ATP6V1C1: variants seen among roughly 807,000 people sequenced by gnomAD.
The protein encoded by ATP6V1C1 is V-type proton ATPase subunit C 1.
Under a neutral mutation model 53.9 loss-of-function variants are expected in ATP6V1C1, and 45 were observed. The observed-to-expected ratio is 0.83, with a 90% CI of 0.66 to 1.07. The LOEUF is 1.07. ATP6V1C1 is among the 50% of genes least tolerant of loss of function. ATP6V1C1 has a pLI of 0.00. For missense variants in ATP6V1C1, 315 were observed against 440.3 expected, an observed-to-expected ratio of 0.72 and a Z score of 2.55; for synonymous variants, 153 against 155.2, an observed-to-expected ratio of 0.99 and a Z score of 0.11.
intron 4 of ATP6V1C1, among the ~76,000 whole-genome samples, chr8:103,050,259 C>G (rs1439972911): frequency 6.6e-6 from 1 of 152,122 alleles, no homozygotes; most frequent in Non-Finnish European, 1.5e-5. Context: ...TACTGATCTT[C>G]TACGTATTTT....
rs17200931 is a variant in ATP6V1C1 at position 103,072,356 on chromosome 8, A to C, written c.*3609A>C. 1 of 152,204 alleles carries C rather than the reference A, an allele frequency of 6.6e-6. No homozygotes were observed. Among genetic ancestry groups the C allele is most frequent in the Non-Finnish European group, 1.5e-5 (1 of 68,032 alleles). 9.4% of individuals were successfully genotyped at this position (152,204 alleles called of 1,614,324 possible). A position where few individuals can be genotyped will look rare whatever the true frequency, so the allele number is the denominator to read the frequency against. ...TTCATTCTCAGCTGTCGAAGAAATC[A>C]AAGTAGCATATGCACAAGGTTAAAA... is the stretch of plus-strand genomic sequence containing the variant. On this transcript the variant is annotated 3_prime_UTR_variant, in exon 13 of 13. Transcript: ENST00000518738.
At chr8:103,025,166 A>C (rs1413028079) in intron 1 of ATP6V1C1, among the ~76,000 whole-genome samples, 1 of 152,192 alleles carries the variant, frequency 6.6e-6, no homozygotes, top group Non-Finnish European at 1.5e-5. Context: ...CTATCAATGA[A>C]TAGGAAGTTG....
chr8:103,065,279 G>A (rs369582216), intron 11 of ATP6V1C1, among the ~76,000 whole-genome samples: 14 of 152,146 alleles, frequency 9.2e-5, no homozygotes, highest in Non-Finnish European at 2.1e-4. Context: ...AAACTTGGCC[G>A]GGTGCAGTGG....
In ATP6V1C1 at chr8:103,072,636, C is replaced by A. The variant is rs1817604729; in HGVS notation, c.*3889C>A. 6.6e-6 allele frequency: 1 copy of A among 152,132 alleles called. No individual in the cohort carries two copies. The highest frequency in any genetic ancestry group is 1.5e-5 in the Non-Finnish European group (1 of 68,020). The allele number at this position is 152,132 out of a possible 1,614,324, so 9.4% of individuals were successfully genotyped here. ...TTTCTAGCATAGATAACAATTGATT[C>A]TTTAGATTCATATATGGAGGTAATT... is the stretch of plus-strand genomic sequence containing the variant. On this transcript the variant is annotated 3_prime_UTR_variant, in exon 13 of 13. Coordinates refer to ENST00000518738, the MANE Select transcript of ATP6V1C1 (RefSeq NM_001695.5).
chr8:103,066,592 C>A, intron 12 of ATP6V1C1, 145 bp downstream of exon 12: 1 of 930,930 alleles, frequency 1.1e-6, no homozygotes. Context: ...GTTATGTAAA[C>A]ATAGTAATTT....
In ATP6V1C1 at chr8:103,051,099, T is replaced by G; in HGVS notation, c.336T>G (p.Tyr112Ter). Reference protein sequence around the residue: ...ITRFQWDMAKYPIKQSLKNIS... With the variant: ...ITRFQWDMAK ...GGTTCCAGTGGGACATGGCCAAATA[T>G]CCAATCAAGCAGTCCCTGAAAAATA... Residue 112 changes from tyrosine (Y) to a stop codon, truncating the protein, a stop_gained, in exon 5 of 13, where the codon TAT (tyrosine) becomes TAG (stop). Transcript: ENST00000518738. LOFTEE classifies it high-confidence loss of function. The G allele has an allele frequency of 6.2e-7, 1 of 1,610,692 alleles. No homozygotes were observed. The highest frequency in any genetic ancestry group is 8.5e-7 in the Non-Finnish European group (1 of 1,177,828).
intron 8 of ATP6V1C1, among the ~76,000 whole-genome samples, chr8:103,056,621 A>C (rs1006293685): frequency 2.6e-5 from 4 of 152,216 alleles, no homozygotes; most frequent in Non-Finnish European, 5.9e-5. Context: ...TGGCAGAGTT[A>C]GGGCTAGAAC....
chr8:103,068,470 G>T (rs1366780089), intron 12 of ATP6V1C1, among the ~76,000 whole-genome samples, 182 bp from the exon 13 acceptor site: 1 of 152,220 alleles, frequency 6.6e-6, no homozygotes, highest in Admixed American at 6.5e-5. Context: ...GGAGAAGTCA[G>T]TCTTTCAGAG....
chr8:103,031,962 A>T (rs1816803640), intron 1 of ATP6V1C1, among the ~76,000 whole-genome samples: 1 of 152,112 alleles, frequency 6.6e-6, no homozygotes, highest in Non-Finnish European at 1.5e-5. Flanking sequence ...TGACCTTGGG[A>T]TAGGCAGGTT....
intron 11 of ATP6V1C1, among the ~76,000 whole-genome samples, chr8:103,065,573 A>AACAAAAC (rs991255865): frequency 6.6e-6 from 1 of 152,000 alleles, no homozygotes; most frequent in Non-Finnish European, 1.5e-5. Flanking sequence ...CGCCTGAAAA[A>AACAAAAC]ACAAAACACA....
intron 1 of ATP6V1C1, among the ~76,000 whole-genome samples, chr8:103,022,723 G>C (rs909528624): frequency 1.8e-4 from 28 of 152,100 alleles, no homozygotes; most frequent in African/African-American, 6.0e-4. Flanking sequence ...TCTGAAAAGA[G>C]ACTGAAAAGG....
At position 103,072,769 on chromosome 8, in the gene ATP6V1C1, G is replaced by A. The variant is rs1229191748; in HGVS notation, c.*4022G>A. ...GAGCTGATGACTTGTGAGAGAAAAA[G>A]GGAACAGAGTAAAGCCATGGAAGCC... On this transcript the variant is annotated 3_prime_UTR_variant, in exon 13 of 13. Transcript: ENST00000518738. 6.6e-6 allele frequency: 1 copy of A among 152,212 alleles called. No individual in the cohort carries two copies. Among genetic ancestry groups the A allele is most frequent in the East Asian group, 1.9e-4 (1 of 5,204 alleles). 9.4% of individuals were successfully genotyped at this position (152,212 alleles called of 1,614,324 possible). A position where few individuals can be genotyped will look rare whatever the true frequency, so the allele number is the denominator to read the frequency against.
At chr8:103,037,690 A>G (rs1586312604) in intron 1 of ATP6V1C1, among the ~76,000 whole-genome samples, 1 of 152,222 alleles carries the variant, frequency 6.6e-6, no homozygotes, top group Admixed American at 6.5e-5. Flanking sequence ...ATACATTCTC[A>G]TAAAAATTTT....
chr8:103,052,768 C>T lies in ATP6V1C1; in HGVS notation c.419C>T (p.Ala140Val). The part of the protein sequence containing the change: ...TQIDNDLKSR[A>V]SAYNNLKGNL... ...ATTGATAATGACCTGAAATCTCGAG[C>T]ATCTGCATACAATAACCTGAAAGGA... The change falls in exon 6 of 13, where the codon GCA becomes GTA. Residue 140 changes from alanine (A) to valine (V), a missense_variant. Ala to Val is a moderately conservative substitution (Grantham distance 64). Transcript: ENST00000518738. The T allele has an allele frequency of 1.9e-6, 3 of 1,596,054 alleles. No individual in the cohort carries two copies. Among genetic ancestry groups the T allele is most frequent in the Non-Finnish European group, 2.6e-6 (3 of 1,172,720 alleles).
intron 1 of ATP6V1C1, among the ~76,000 whole-genome samples, chr8:103,025,505 T>C (rs1282327527): frequency 6.6e-6 from 1 of 152,266 alleles, no homozygotes; most frequent in Admixed American, 6.5e-5. Flanking sequence ...GGAATTCAAG[T>C]AATTTAAAAT....
At chr8:103,021,814 A>G (rs1301788829) in intron 1 of ATP6V1C1, among the ~76,000 whole-genome samples, 1 of 152,186 alleles carries the variant, frequency 6.6e-6, no homozygotes, top group Non-Finnish European at 1.5e-5. Flanking sequence ...ACAAAACAGA[A>G]CAAAACAAAA....
chr8:103,027,478 G>A lies in ATP6V1C1; in HGVS notation c.-40+6253G>A, dbSNP rs1586306117. Among the ~76,000 whole-genome samples the A allele has an allele frequency of 2.0e-5, 3 of 152,092 alleles. No individual in the cohort carries two copies. In the Middle Eastern group the frequency reaches 0.01, roughly 517 times the overall value. Reference sequence around the variant, plus strand: ...GCAGTGCCAGCAGATGTCTTGTTCAGGCTTATAACCAACCCCCCCTCACCT... The same window carrying A: ...GCAGTGCCAGCAGATGTCTTGTTCAAGCTTATAACCAACCCCCCCTCACCT... On this transcript the variant is annotated intron_variant, in intron 1 of 12. Transcript: ENST00000518738.
chr8:103,037,111 G>A (rs543283521), intron 1 of ATP6V1C1, among the ~76,000 whole-genome samples: 2 of 152,272 alleles, frequency 1.3e-5, no homozygotes, highest in South Asian at 4.2e-4. Context: ...GAAGCAACCG[G>A]CGATAGGTGG....
chr8:103,065,789 G>A (rs879487329), intron 11 of ATP6V1C1, among the ~76,000 whole-genome samples: 49 of 151,896 alleles, frequency 3.2e-4, no homozygotes, highest in Admixed American at 1.9e-3. Flanking sequence ...CATGCCTGTA[G>A]TCCCAGCACT....
Sources: allele counts gnomAD v4.1 joint callset (sites outside exome capture counted in the v4.1 genomes callset), GRCh38; gene constraint gnomAD v4.1.1; transcripts MANE v1.5; gene names NCBI Gene and HGNC (gene_info 2026-07-23, HGNC 2026-07-21).